The following STAG1 variants were observed in gnomAD, a reference collection of about 807,000 sequenced individuals.
STAG1 encodes STAG1 cohesin complex component, also known as cohesin subunit SA-1.
Under a neutral mutation model 170.9 loss-of-function variants are expected in STAG1, and 26 were observed. The ratio of observed to expected loss-of-function variants is 0.15; its 90% confidence interval spans 0.11 to 0.21. STAG1 has a LOEUF of 0.21. STAG1 is among the 10% of genes least tolerant of loss of function. The pLI is 1.00. For synonymous variants in STAG1, 514 were observed against 497.7 expected (o/e 1.03, Z -0.44); for missense variants, 964 against 1,509.5 (o/e 0.64, Z 5.99).
chr3:136,706,314 A>G (rs186926889), intron 1 of STAG1, among the ~76,000 whole-genome samples: 1 of 152,372 alleles, frequency 6.6e-6, no homozygotes, highest in Non-Finnish European at 1.5e-5. Context: ...GTCGCACATG[A>G]CACAATCCTA....
chr3:136,613,000 A>C (rs543083208), intron 3 of STAG1, among the ~76,000 whole-genome samples: 1 of 152,152 alleles, frequency 6.6e-6, no homozygotes, highest in Non-Finnish European at 1.5e-5. Context: ...CATTTCTACC[A>C]GCAAGAAATG....
intron 6 of STAG1, among the ~76,000 whole-genome samples, chr3:136,531,491 CAA>C (rs1935363806): frequency 6.7e-6 from 1 of 148,952 alleles, no homozygotes; most frequent in Non-Finnish European, 1.5e-5. Flanking sequence ...TTCACAATAG[CAA>C]AGACTTGGAA....
chr3:136,701,552 G>A (rs111687841), intron 1 of STAG1, among the ~76,000 whole-genome samples: 7 of 152,156 alleles, frequency 4.6e-5, no homozygotes, highest in African/African-American at 1.4e-4. Flanking sequence ...ATCTGAACTC[G>A]CTTCCTACCT....
intron 9 of STAG1, among the ~76,000 whole-genome samples, chr3:136,489,840 A>G (rs145946882): frequency 3.3e-5 from 5 of 152,296 alleles, no homozygotes; most frequent in East Asian, 3.9e-4. Context: ...GCGAGTGCTG[A>G]AAGTTAGTAA....
chr3:136,440,139 A>AT (rs1427285587), intron 15 of STAG1, among the ~76,000 whole-genome samples: 1 of 151,830 alleles, frequency 6.6e-6, no homozygotes, highest in Non-Finnish European at 1.5e-5. Context: ...TTATATATTT[A>AT]TTTTTTTCTT....
intron 21 of STAG1, among the ~76,000 whole-genome samples, chr3:136,407,896 C>CAA (rs547848988): frequency 1.0e-3 from 80 of 77,424 alleles, no homozygotes; most frequent in African/African-American, 3.8e-3. Context: ...ACTCTGTCTC[C>CAA]AAAAAAAAAA....
intron 15 of STAG1, among the ~76,000 whole-genome samples, chr3:136,442,737 T>G (rs1270237600): frequency 6.6e-6 from 1 of 151,868 alleles, no homozygotes; most frequent in Admixed American, 6.6e-5. Context: ...GTATCTCAAA[T>G]CAGCATCAAG....
chr3:136,562,206 T>C (rs1391790022), intron 5 of STAG1, among the ~76,000 whole-genome samples: 1 of 152,198 alleles, frequency 6.6e-6, no homozygotes, highest in Non-Finnish European at 1.5e-5. Context: ...GATCATGCAC[T>C]GCAGCCACCT....
At chr3:136,339,351 C>T (rs573195986) in intron 32 of STAG1, among the ~76,000 whole-genome samples, 6 of 152,104 alleles carry the variant, frequency 3.9e-5, no homozygotes, top group East Asian at 1.9e-4. Context: ...GGTGAAACCC[C>T]GTCTCTACTA....
chr3:136,486,454 A>C (rs983136755), intron 9 of STAG1, among the ~76,000 whole-genome samples: 10 of 152,302 alleles, frequency 6.6e-5, no homozygotes, highest in African/African-American at 2.4e-4. Context: ...CCAAAACACA[A>C]CTACAAAATA....
At chr3:136,586,332 T>G (rs561625012) in intron 4 of STAG1, among the ~76,000 whole-genome samples, 101 of 152,046 alleles carry the variant, frequency 6.6e-4, no homozygotes, top group Non-Finnish European at 1.4e-3. Context: ...CCCTAGATAA[T>G]CTGTATAAAA....
At position 136,375,969 on chromosome 3, in the gene STAG1, A is replaced by AAAATAAATAAATAAAT. The variant is rs3072456; in HGVS notation, c.2370+1675_2370+1690dup. Among the ~76,000 whole-genome samples, 831 of 124,694 alleles carry AAAATAAATAAATAAAT rather than the reference A, an allele frequency of 6.7e-3. 8 individuals carry two copies. Among genetic ancestry groups the AAAATAAATAAATAAAT allele is most frequent in the African/African-American group, 0.023 (751 of 32,372 alleles). The allele number at this position is 124,694 out of a possible 152,430, so 81.8% of individuals were successfully genotyped here. On this transcript the variant is annotated intron_variant, in intron 23 of 33. Transcript: ENST00000383202. ...GGGCAACAGTGGGAGACTCCGTCTCAAAATAAATAAATAAATAAATAAATA... is the reference window on the plus strand; with the variant it reads ...GGGCAACAGTGGGAGACTCCGTCTCAAAATAAATAAATAAATAAATAAATAAATAAATAAATAAATA...
intron 7 of STAG1, among the ~76,000 whole-genome samples, chr3:136,503,474 C>G (rs1002373333): frequency 6.6e-6 from 1 of 152,202 alleles, no homozygotes; most frequent in African/African-American, 2.4e-5. Context: ...AGGTATGACA[C>G]AAACCTCAAA....
chr3:136,339,985 A>G (rs1935898183), intron 32 of STAG1, among the ~76,000 whole-genome samples: 1 of 152,162 alleles, frequency 6.6e-6, no homozygotes. Flanking sequence ...CTCTTCAAAG[A>G]AGGTAAAAAG....
intron 1 of STAG1, among the ~76,000 whole-genome samples, chr3:136,631,978 CCA>C (rs1022098845): frequency 6.6e-6 from 1 of 151,914 alleles, no homozygotes. Flanking sequence ...CTGCTAAAAA[CCA>C]CAGTTAAAGG....
At chr3:136,591,232 G>A (rs78303319) in intron 4 of STAG1, among the ~76,000 whole-genome samples, 6 of 89,406 alleles carry the variant, frequency 6.7e-5, no homozygotes, top group African/African-American at 1.5e-4. Context: ...AAAAAAAAAA[G>A]AAGGGAGGGA....
At chr3:136,417,800 T>C in intron 21 of STAG1, 85 bp downstream of exon 21, 1 of 989,750 alleles carries the variant, frequency 1.0e-6, no homozygotes, top group Non-Finnish European at 1.6e-6. Flanking sequence ...GTCAATTACT[T>C]TCTATAAAAG....
intron 1 of STAG1, among the ~76,000 whole-genome samples, chr3:136,695,849 G>C (rs914344556): frequency 6.7e-6 from 1 of 149,780 alleles, no homozygotes; most frequent in Non-Finnish European, 1.5e-5. Flanking sequence ...GAGGATCAAA[G>C]AGTACATAGT....
chr3:136,737,408 T>C (rs1934403594), intron 1 of STAG1, among the ~76,000 whole-genome samples: 1 of 151,912 alleles, frequency 6.6e-6, no homozygotes, highest in African/African-American at 2.4e-5. Flanking sequence ...GGCCAATTTT[T>C]GCATTTTTAG....
Sources: allele counts gnomAD v4.1 joint callset (sites outside exome capture counted in the v4.1 genomes callset), GRCh38; gene constraint gnomAD v4.1.1; transcripts MANE v1.5; gene names NCBI Gene and HGNC (gene_info 2026-07-23, HGNC 2026-07-21).